NT5C1B: variants seen among roughly 807,000 people sequenced by gnomAD.
NT5C1B encodes the protein 5'-nucleotidase, cytosolic IB, also known as cytosolic 5'-nucleotidase 1B.
NT5C1B carries 44 observed loss-of-function variants against 57.8 expected under a neutral mutation model. That is an observed-to-expected ratio of 0.76 (90% confidence interval 0.60 to 0.98). NT5C1B has a LOEUF of 0.98. NT5C1B is among the 50% of genes least tolerant of loss of function. The pLI is 0.00. For synonymous variants in NT5C1B, 284 were observed against 282.6 expected (o/e 1.00, Z -0.05); for missense variants, 742 against 719.5 (o/e 1.03, Z -0.36).
rs1666554552 is a variant in NT5C1B, at chr2:18,584,903, A to G, written c.334T>C (p.Ser112Pro). ...GGTGGCTGGAGCGAGGGCTGCCCGG[A>G]CAGCGGCGGCGGTGAGGAGTCATGC... Residue 112 changes from serine (S) to proline (P), a missense_variant, in exon 4 of 9, where the codon TCC becomes CCC. Coordinates refer to ENST00000304081, the Ensembl canonical transcript of NT5C1B. This position sits in a 1 kb window ranked among gnomAD's most constrained non-coding sequence, Gnocchi z 5.8. The G allele has an allele frequency of 1.9e-6, 3 of 1,562,666 alleles. No individual in the cohort carries two copies. The highest frequency in any genetic ancestry group is 1.2e-5 in the South Asian group (1 of 85,086).
chr2:18,584,270 G>C lies in NT5C1B; in HGVS notation c.724-15C>G. ...TTGGGTTTGGGCTGCAGAGAGGGAC[G>C]CCAAAGGGAGGATAGTCACATAGCC... is the stretch of plus-strand genomic sequence containing the variant. On this transcript the variant is annotated splice_polypyrimidine_tract_variant and intron_variant, in intron 4 of 8. Transcript: ENST00000304081. This position sits in a 1 kb window ranked among gnomAD's most constrained non-coding sequence, Gnocchi z 5.8. The C allele has an allele frequency of 6.2e-7, 1 of 1,610,356 alleles. No individual in the cohort carries two copies. Among genetic ancestry groups the C allele is most frequent in the Non-Finnish European group, 8.5e-7 (1 of 1,177,642 alleles).
At chr2:18,567,874 C>T (rs770239695) in intron 8 of NT5C1B, among the ~76,000 whole-genome samples, 4 of 152,074 alleles carry the variant, frequency 2.6e-5, no homozygotes, top group Non-Finnish European at 5.9e-5. Flanking sequence ...GGATACCATA[C>T]ATGAGTAGAC....
In NT5C1B at chr2:18,576,277, G is replaced by GAGGACAGCATCCCCATCAA; in HGVS notation, c.1217_1235dup (p.Phe413Ter). The GAGGACAGCATCCCCATCAA allele has an allele frequency of 6.2e-7, 1 of 1,613,858 alleles. No homozygotes were observed. The highest frequency in any genetic ancestry group is 8.5e-7 in the Non-Finnish European group (1 of 1,179,864). On this transcript the variant is annotated stop_gained and frameshift_variant, in exon 8 of 9. Transcript: ENST00000304081. LOFTEE classifies it high-confidence loss of function. Reference sequence around the variant, plus strand: ...TAAAATGTTCAGACTCATCAGAGAAGAGGACAGCATCCCCATCAAAGGCTA... The same window carrying GAGGACAGCATCCCCATCAA: ...TAAAATGTTCAGACTCATCAGAGAAGAGGACAGCATCCCCATCAAAGGACAGCATCCCCATCAAAGGCTA...
At chr2:18,588,811 T>C (rs1364503873) in intron 1 of NT5C1B, among the ~76,000 whole-genome samples, 1 of 152,196 alleles carries the variant, frequency 6.6e-6, no homozygotes, top group Non-Finnish European at 1.5e-5. Flanking sequence ...ATAAACACTT[T>C]CTTCACTTGG....
At chr2:18,583,915 A>G (rs76890755) in intron 5 of NT5C1B, 173 bp downstream of exon 5, 56,454 of 1,102,322 alleles carry the variant, frequency 0.051, 2,037 homozygotes, top group Admixed American at 0.14. Context: ...CTTCCTCCAC[A>G]GTCTGGAAGC....
chr2:18,584,875 G>C lies in NT5C1B; in HGVS notation c.362C>G (p.Ala121Gly), dbSNP rs775147320. The change falls in exon 4 of 9, where the codon GCG becomes GGG. Residue 121 changes from alanine to glycine, a missense_variant. Transcript: ENST00000304081. The surrounding 1 kb of genome is among the most constrained non-coding windows in gnomAD (Gnocchi z 5.8). Reference sequence around the variant, plus strand: ...CAGCGACCGGGGCAGCTGGGGCGACGCGGGTGGCTGGAGCGAGGGCTGCCC... The same window carrying C: ...CAGCGACCGGGGCAGCTGGGGCGACCCGGGTGGCTGGAGCGAGGGCTGCCC... 1.3e-6 allele frequency: 2 copies of C among 1,594,468 alleles called. No individual in the cohort carries two copies. The highest frequency in any genetic ancestry group is 1.7e-6 in the Non-Finnish European group (2 of 1,173,026).
chr2:18,572,549 C>T (rs1665300586), intron 8 of NT5C1B, among the ~76,000 whole-genome samples: 1 of 152,020 alleles, frequency 6.6e-6, no homozygotes. Context: ...AAACACACAC[C>T]TGATAAAGGA....
Position 18,587,610 on chromosome 2 carries a change from G to A in NT5C1B, c.31-18C>T. 1 of 1,602,978 alleles carries A rather than the reference G, an allele frequency of 6.2e-7. No individual in the cohort carries two copies. The highest frequency in any genetic ancestry group is 8.5e-7 in the Non-Finnish European group (1 of 1,177,870). On this transcript the variant is annotated intron_variant, in intron 1 of 8. Transcript: ENST00000304081. Reference sequence around the variant, plus strand: ...GGCTCATTCTTGACAAGGAAACAAAGAATGTTTATTAATTTTTAATCTCAG... The same window carrying A: ...GGCTCATTCTTGACAAGGAAACAAAAAATGTTTATTAATTTTTAATCTCAG...
chr2:18,587,348 C>G, intron 2 of NT5C1B, 155 bp downstream of exon 2: 1 of 985,422 alleles, frequency 1.0e-6, no homozygotes, highest in Non-Finnish European at 1.2e-6. Context: ...CCCAACCTTT[C>G]CTAGTTCCTT....
chr2:18,570,756 G>A (rs1665076915), intron 8 of NT5C1B, among the ~76,000 whole-genome samples: 1 of 152,054 alleles, frequency 6.6e-6, no homozygotes, highest in Non-Finnish European at 1.5e-5. Context: ...AAACTGTAGA[G>A]GATGAACATG....
rs1260642679 is a variant in NT5C1B at position 18,584,626 on chromosome 2, A to G, written c.611T>C (p.Leu204Pro). Residue 204 changes from leucine to proline, a missense_variant, in exon 4 of 9, where the codon CTG becomes CCG. Physicochemically the swap from Leu to Pro is moderately conservative, Grantham distance 98. Coordinates refer to ENST00000304081, the Ensembl canonical transcript of NT5C1B. This position sits in a 1 kb window ranked among gnomAD's most constrained non-coding sequence, Gnocchi z 5.8. Reference sequence around the variant, plus strand: ...CCGCTGCTGCTGCTGCTGCTCGGACAGAGAGTTGCGGTCCAGCTGGGTGGA... The same window carrying G: ...CCGCTGCTGCTGCTGCTGCTCGGACGGAGAGTTGCGGTCCAGCTGGGTGGA... 5 of 1,613,110 alleles carry G rather than the reference A, an allele frequency of 3.1e-6. No individual in the cohort carries two copies.
intron 8 of NT5C1B, 125 bp from the exon 9 acceptor site, chr2:18,564,244 T>C (rs540777640): frequency 1.8e-6 from 2 of 1,131,854 alleles, no homozygotes; most frequent in Admixed American, 3.2e-5. Context: ...TGCAGTGTTA[T>C]GAAGCTGATG....
intron 6 of NT5C1B, 114 bp downstream of exon 6, chr2:18,582,754 G>A: frequency 2.1e-6 from 3 of 1,431,236 alleles, no homozygotes; most frequent in South Asian, 2.9e-5. Context: ...GGCGCAGAAG[G>A]GGGTGTCAGT....
chr2:18,574,504 C>T (rs1665498449), intron 8 of NT5C1B, among the ~76,000 whole-genome samples: 1 of 151,998 alleles, frequency 6.6e-6, no homozygotes, highest in Non-Finnish European at 1.5e-5. Flanking sequence ...GAAATGAAAG[C>T]AGGATCTGAA....
In NT5C1B at chr2:18,581,161, A is replaced by G. The variant is rs181748146; in HGVS notation, c.1021+1707T>C. Among the ~76,000 whole-genome samples, 6 of 152,336 alleles carry G rather than the reference A, an allele frequency of 3.9e-5. No homozygotes were observed. In the East Asian group the frequency reaches 1.2e-3, roughly 29 times the overall value. On this transcript the variant is annotated intron_variant, in intron 6 of 8. Transcript: ENST00000304081. ...GCTGTTTGTAAGAGGTTTATAAAATATGCACCTTCATATACTACGGGTAAA... is the reference window on the plus strand; with the variant it reads ...GCTGTTTGTAAGAGGTTTATAAAATGTGCACCTTCATATACTACGGGTAAA...
rs1438177047 is a variant in NT5C1B, at chr2:18,565,539, T to C, written c.1330-1420A>G. On this transcript the variant is annotated intron_variant, in intron 8 of 8. Coordinates refer to ENST00000304081, the Ensembl canonical transcript of NT5C1B. ...ACTGTCTTTTGCTTTTGAATGCTGC[T>C]CTTGAGAAGTTTGAGGGCCTCTTGA... Among the ~76,000 whole-genome samples the C allele has an allele frequency of 1.3e-5, 2 of 152,186 alleles. 1 individual carries two copies. Among genetic ancestry groups the C allele is most frequent in the South Asian group, 4.1e-4 (2 of 4,832 alleles).
chr2:18,585,048 C>T, intron 3 of NT5C1B, 70 bp from the exon 4 acceptor site: 4 of 1,584,134 alleles, frequency 2.5e-6, no homozygotes, highest in South Asian at 2.2e-5. Flanking sequence ...TCTGTCCCTT[C>T]TGCCTATTCC....
At chr2:18,567,119 A>C (rs1664714500) in intron 8 of NT5C1B, among the ~76,000 whole-genome samples, 1 of 152,162 alleles carries the variant, frequency 6.6e-6, no homozygotes, top group South Asian at 2.1e-4. Context: ...TTCTCCATGG[A>C]CTTCACTAGA....
rs539210759 is a variant in NT5C1B at position 18,564,052 on chromosome 2, C to T, written c.1397G>A (p.Arg466Gln). 5.2e-5 allele frequency: 83 copies of T among 1,610,178 alleles called. 1 individual carries two copies. The highest frequency in any genetic ancestry group is 4.7e-4 in the East Asian group (21 of 44,820). Residue 466 changes from arginine to glutamine, a missense_variant, in exon 9 of 9, where the codon CGG (arginine) becomes CAG (glutamine). Physicochemically the swap from Arg to Gln is conservative, Grantham distance 43. Transcript: ENST00000304081. ...GTAGGTCCTGATAGGACAAAGTAAC[C>T]GTTCATTTTTGGCATAGAACTTCTT...
Sources: gnomAD v4.1 joint callset for allele counts (sites outside exome capture counted in the v4.1 genomes callset) on GRCh38, gnomAD v4.1.1 for gene constraint, Gnocchi (gnomAD v3.1) non-coding constraint, MANE v1.5 for transcripts, NCBI Gene and HGNC (gene_info 2026-07-23, HGNC 2026-07-21) for gene names.